IQCM: variants seen among roughly 807,000 people sequenced by gnomAD.
IQCM encodes IQ domain-containing protein M.
A neutral mutation model predicts 57.6 loss-of-function variants in IQCM; 45 were observed. The ratio of observed to expected loss-of-function variants is 0.78; its 90% confidence interval spans 0.62 to 1.00. The LOEUF (loss-of-function observed/expected upper bound fraction) is 1.00, where lower values mean the gene tolerates loss of function less well. Ranked by LOEUF, IQCM falls within the 50% of genes least tolerant of loss-of-function variation. The probability of loss-of-function intolerance (pLI) is 0.00; values close to 1 mark genes in which losing one functional copy is unlikely to be tolerated. For synonymous variants in IQCM, 148 were observed against 158.9 expected, an observed-to-expected ratio of 0.93 and a Z score of 0.51; for missense variants, 468 against 511.6, an observed-to-expected ratio of 0.91 and a Z score of 0.82.
At chr4:149,504,026 G>A (rs993760764) in intron 12 of IQCM, among the ~76,000 whole-genome samples, 31 of 152,100 alleles carry the variant, frequency 2.0e-4, no homozygotes, top group Non-Finnish European at 4.1e-4. Flanking sequence ...AAAGTGGTAA[G>A]TTTCAGAAAA....
At chr4:149,416,002 G>A (rs1314071464) in intron 13 of IQCM, among the ~76,000 whole-genome samples, 1 of 152,086 alleles carries the variant, frequency 6.6e-6, no homozygotes, top group Non-Finnish European at 1.5e-5. Context: ...GTGCATATAT[G>A]TAACAAACCT....
At chr4:149,485,808 T>C (rs1041421503) in intron 12 of IQCM, among the ~76,000 whole-genome samples, 6 of 152,120 alleles carry the variant, frequency 3.9e-5, no homozygotes, top group African/African-American at 1.4e-4. Context: ...GTTGGGTATC[T>C]ATTGTAGTCT....
intron 2 of IQCM, among the ~76,000 whole-genome samples, chr4:149,769,545 G>A (rs1770370354): frequency 6.6e-6 from 1 of 150,444 alleles, no homozygotes; most frequent in Admixed American, 6.6e-5. Flanking sequence ...AATGTACAAT[G>A]CTCTATAGCT....
chr4:149,703,820 A>C (rs1763948699), intron 5 of IQCM, among the ~76,000 whole-genome samples: 2 of 151,954 alleles, frequency 1.3e-5, no homozygotes. Flanking sequence ...AATGCTTAGT[A>C]GCTGAGACAG....
chr4:149,809,654 A>C (rs748052273), intron 2 of IQCM, among the ~76,000 whole-genome samples: 2 of 152,180 alleles, frequency 1.3e-5, no homozygotes, highest in Non-Finnish European at 2.9e-5. Context: ...GAGGGCAACA[A>C]TACAACTCCT....
At position 149,778,017 on chromosome 4, in the gene IQCM, G is replaced by C. The variant is rs541244267; in HGVS notation, c.-48-35278C>G. Among the ~76,000 whole-genome samples, 31 of 152,238 alleles carry C rather than the reference G, an allele frequency of 2.0e-4. No individual in the cohort carries two copies. The East Asian group carries it at 4.3e-3, about 21-fold the overall frequency. On this transcript the variant is annotated intron_variant, in intron 2 of 13. Coordinates refer to ENST00000636793, the MANE Select transcript of IQCM (RefSeq NM_001363507.2). ...TCCAAACCCATGGAAACTAAACAAT[G>C]TACTTCTAGGTAATCTATGGGTCAG...
Position 149,377,115 on chromosome 4 carries a change from A to G in IQCM, c.1391-25049T>C, listed in dbSNP as rs990598336. On this transcript the variant is annotated intron_variant, in intron 13 of 13. Coordinates refer to ENST00000636793, the MANE Select transcript of IQCM (RefSeq NM_001363507.2). ...AAAATTTCTAGTTTTAAAACAAAAA[A>G]TAAATAAGTCATTACTTTAGTCCAT... Among the ~76,000 whole-genome samples, 9 of 152,282 alleles carry G rather than the reference A, an allele frequency of 5.9e-5. No individual in the cohort carries two copies. In the East Asian group the frequency reaches 7.7e-4, roughly 13 times the overall value.
At chr4:149,647,169 T>A (rs1758717072) in intron 7 of IQCM, among the ~76,000 whole-genome samples, 1 of 152,138 alleles carries the variant, frequency 6.6e-6, no homozygotes, top group Non-Finnish European at 1.5e-5. Flanking sequence ...TACTAAAAAA[T>A]GCATACATAA....
chr4:149,576,947 G>T (rs1421693715), intron 9 of IQCM, among the ~76,000 whole-genome samples: 3 of 151,960 alleles, frequency 2.0e-5, no homozygotes, highest in Non-Finnish European at 2.9e-5. Flanking sequence ...GTGTGAGATG[G>T]TATCTCATTG....
At chr4:149,531,462 C>G (rs1274488041) in intron 12 of IQCM, among the ~76,000 whole-genome samples, 1 of 152,102 alleles carries the variant, frequency 6.6e-6, no homozygotes, top group African/African-American at 2.4e-5. Context: ...CATTCTTTCC[C>G]TCCTTATTCC....
chr4:149,566,930 C>T (rs1750690026), intron 9 of IQCM, among the ~76,000 whole-genome samples: 2 of 152,118 alleles, frequency 1.3e-5, no homozygotes, highest in South Asian at 2.1e-4. Context: ...TGAGCTTAAT[C>T]ATAAAACAGA....
intron 7 of IQCM, among the ~76,000 whole-genome samples, chr4:149,645,377 T>C (rs1484378766): frequency 6.6e-6 from 1 of 152,224 alleles, no homozygotes; most frequent in African/African-American, 2.4e-5. Flanking sequence ...TCCTATATTG[T>C]CTGCAGAAGT....
intron 13 of IQCM, among the ~76,000 whole-genome samples, chr4:149,387,305 A>G (rs571114670): frequency 1.1e-4 from 16 of 152,082 alleles, no homozygotes; most frequent in African/African-American, 3.1e-4. Flanking sequence ...AAAGGCCCCT[A>G]CCTCTTAATA....
At chr4:149,760,655 T>C (rs146320895) in intron 2 of IQCM, among the ~76,000 whole-genome samples, 3,066 of 152,012 alleles carry the variant, frequency 0.02, 116 homozygotes, top group African/African-American at 0.071. Context: ...AAACTACCAA[T>C]GAACTCAGTG....
intron 12 of IQCM, among the ~76,000 whole-genome samples, chr4:149,489,299 T>C (rs1053548286): frequency 2.0e-5 from 3 of 152,100 alleles, no homozygotes; most frequent in Non-Finnish European, 4.4e-5. Flanking sequence ...GTACATTATT[T>C]GTTGGAAGAC....
chr4:149,588,509 AT>A (rs1752843009), intron 8 of IQCM, among the ~76,000 whole-genome samples: 1 of 152,044 alleles, frequency 6.6e-6, no homozygotes, highest in Admixed American at 6.6e-5. Flanking sequence ...CAAAGCCCTA[AT>A]CCCTCAATGT....
intron 2 of IQCM, among the ~76,000 whole-genome samples, chr4:149,779,211 T>A (rs1361041119): frequency 6.6e-6 from 1 of 152,138 alleles, no homozygotes; most frequent in Admixed American, 6.5e-5. Context: ...TACTAACAGG[T>A]TTAAAACAAT....
chr4:149,497,803 A>T (rs1455495459), intron 12 of IQCM, among the ~76,000 whole-genome samples: 2 of 151,024 alleles, frequency 1.3e-5, no homozygotes, highest in Admixed American at 6.6e-5. Context: ...ACCTATATAT[A>T]TTTCTATCAA....
At chr4:149,623,428 T>C (rs1756519759) in intron 7 of IQCM, among the ~76,000 whole-genome samples, 1 of 152,202 alleles carries the variant, frequency 6.6e-6, no homozygotes, top group South Asian at 2.1e-4. Context: ...GGTATCATAC[T>C]AGAAAATATA....
Sources: gnomAD v4.1 joint callset for allele counts (sites outside exome capture counted in the v4.1 genomes callset) on GRCh38, gnomAD v4.1.1 for gene constraint, MANE v1.5 for transcripts, NCBI Gene and HGNC (gene_info 2026-07-23, HGNC 2026-07-21) for gene names.